The following SDK1 variants were observed in gnomAD, a reference collection of about 807,000 sequenced individuals.
SDK1 encodes protein sidekick-1.
SDK1 carries 157 observed loss-of-function variants against 245.5 expected under a neutral mutation model. That is an observed-to-expected ratio of 0.64 (90% CI 0.56 to 0.73). The LOEUF (loss-of-function observed/expected upper bound fraction) is 0.73. SDK1 is among the 30% of genes least tolerant of loss of function. The pLI, the probability that SDK1 is intolerant of heterozygous loss-of-function variation, is 0.00. For missense variants in SDK1, 3,583 were observed against 3,002.3 expected (o/e 1.19, Z -4.52); for synonymous variants, 1,647 against 1,278.5 (o/e 1.29, Z -6.15).
chr7:3,893,488 C>T (rs946858218), intron 5 of SDK1, among the ~76,000 whole-genome samples: 1 of 152,048 alleles, frequency 6.6e-6, no homozygotes, highest in Non-Finnish European at 1.5e-5. Flanking sequence ...TTGGCAGCTC[C>T]TCAGGTACCT....
At chr7:3,978,432 A>G (rs561783194) in intron 13 of SDK1, among the ~76,000 whole-genome samples, 1 of 152,284 alleles carries the variant, frequency 6.6e-6, no homozygotes, top group South Asian at 2.1e-4. Context: ...AAAACATCTC[A>G]TCTCTAAATA....
intron 1 of SDK1, among the ~76,000 whole-genome samples, chr7:3,435,718 C>A (rs981149739): frequency 6.6e-6 from 1 of 152,004 alleles, no homozygotes; most frequent in Admixed American, 6.6e-5. Context: ...ACTTTACATG[C>A]CCCACCTAAG....
chr7:3,567,894 C>G (rs1467058602), intron 1 of SDK1, among the ~76,000 whole-genome samples: 1 of 152,180 alleles, frequency 6.6e-6, no homozygotes, highest in Non-Finnish European at 1.5e-5. Flanking sequence ...TCATTGCAGC[C>G]TCGAACTCGT....
chr7:4,141,036 C>G lies in SDK1; in HGVS notation c.4229-4686C>G, dbSNP rs75159067. Among the ~76,000 whole-genome samples the G allele has an allele frequency of 4.3e-3, 660 of 152,312 alleles. 2 individuals carry two copies. The highest frequency in any genetic ancestry group is 0.016 in the African/African-American group (651 of 41,568). On this transcript the variant is annotated intron_variant, in intron 28 of 44. Transcript: ENST00000404826. Reference sequence around the variant, plus strand: ...GAGGGCTGGGTCAGGAGCCAGGTCTCCCGGCTCCCTGCTGTCTAGTCAGGA... The same window carrying G: ...GAGGGCTGGGTCAGGAGCCAGGTCTGCCGGCTCCCTGCTGTCTAGTCAGGA...
chr7:3,996,945 T>C (rs1439007068), intron 14 of SDK1, among the ~76,000 whole-genome samples: 1 of 152,234 alleles, frequency 6.6e-6, no homozygotes, highest in African/African-American at 2.4e-5. Flanking sequence ...TTGTTTTTTA[T>C]TGAGATATAA....
intron 40 of SDK1, among the ~76,000 whole-genome samples, chr7:4,232,407 C>T (rs796263241): frequency 0.018 from 1,308 of 72,130 alleles, no homozygotes; most frequent in African/African-American, 0.022. Context: ...CTTTTCTTTT[C>T]TTTCTTTTTT....
At chr7:3,776,241 C>G (rs561953538) in intron 4 of SDK1, among the ~76,000 whole-genome samples, 2 of 152,314 alleles carry the variant, frequency 1.3e-5, no homozygotes, top group South Asian at 4.1e-4. Flanking sequence ...TGTAAGCAGA[C>G]ATTGTCAATT....
At chr7:4,059,914 C>T (rs941357114) in intron 19 of SDK1, among the ~76,000 whole-genome samples, 7 of 146,224 alleles carry the variant, frequency 4.8e-5, no homozygotes, top group Non-Finnish European at 8.9e-5. Context: ...GAGTCTTGCT[C>T]TGTCGCCCAG....
chr7:3,822,151 A>G (rs1042849210), intron 5 of SDK1, among the ~76,000 whole-genome samples: 2 of 152,222 alleles, frequency 1.3e-5, no homozygotes, highest in African/African-American at 4.8e-5. Context: ...TTAGTTTTAC[A>G]TGTTTGGACT....
At chr7:4,129,121 G>A (rs1280585847) in intron 26 of SDK1, among the ~76,000 whole-genome samples, 1 of 140,362 alleles carries the variant, frequency 7.1e-6, no homozygotes, top group African/African-American at 2.7e-5. Context: ...AGCAGCTTGG[G>A]GTGGGGTCCC....
intron 1 of SDK1, among the ~76,000 whole-genome samples, chr7:3,466,955 C>T (rs1296759147): frequency 2.1e-5 from 3 of 141,162 alleles, no homozygotes; most frequent in Non-Finnish European, 3.1e-5. Context: ...CTAGTTACTT[C>T]GAAATCTCTC....
At chr7:3,806,957 A>G (rs772322634) in intron 4 of SDK1, among the ~76,000 whole-genome samples, 18 of 152,040 alleles carry the variant, frequency 1.2e-4, no homozygotes, top group East Asian at 3.9e-4. Context: ...AATGTTTTCA[A>G]TTTACTCAGA....
intron 17 of SDK1, among the ~76,000 whole-genome samples, chr7:4,021,966 T>G (rs1583853966): frequency 1.3e-5 from 2 of 152,180 alleles, no homozygotes; most frequent in East Asian, 3.9e-4. Flanking sequence ...TGAGGGCTCC[T>G]CAGCCTCAGG....
chr7:4,248,504 A>G (rs972849882), intron 44 of SDK1, among the ~76,000 whole-genome samples: 20 of 151,892 alleles, frequency 1.3e-4, no homozygotes, highest in African/African-American at 4.8e-4. Flanking sequence ...ATACACACCT[A>G]AATACACATA....
At chr7:3,662,960 T>G (rs1196628661) in intron 4 of SDK1, among the ~76,000 whole-genome samples, 2 of 152,208 alleles carry the variant, frequency 1.3e-5, no homozygotes, top group Non-Finnish European at 2.9e-5. Context: ...GGATAAGGTA[T>G]GCTCAACCTG....
chr7:3,680,284 G>C (rs1344244184), intron 4 of SDK1, among the ~76,000 whole-genome samples: 1 of 152,202 alleles, frequency 6.6e-6, no homozygotes, highest in Non-Finnish European at 1.5e-5. Context: ...GTCGCAGGGA[G>C]TTAGAGACGT....
At chr7:3,570,184 G>C (rs941091820) in intron 1 of SDK1, among the ~76,000 whole-genome samples, 1 of 152,128 alleles carries the variant, frequency 6.6e-6, no homozygotes, top group Non-Finnish European at 1.5e-5. Flanking sequence ...TTTGGCATCA[G>C]GACTGGTTTC....
At chr7:4,091,334 C>CTTTTCTTTTTTTTTTTT (rs1259034611) in intron 22 of SDK1, among the ~76,000 whole-genome samples, 2 of 108,216 alleles carry the variant, frequency 1.8e-5, no homozygotes, top group South Asian at 3.1e-4. Context: ...CTTTTCTTTT[C>CTTTTCTTTTTTTTTTTT]TTTTTTTTTT....
In SDK1 at chr7:4,219,796, C is replaced by T. The variant is rs866069426; in HGVS notation, c.5540-313C>T. On this transcript the variant is annotated intron_variant, in intron 38 of 44. Transcript: ENST00000404826. ...ACCTGGAGAATGGCAGGACCGCCCC[C>T]CTTCCCCCGCCCCCGCTCCTCCCTC... is the stretch of plus-strand genomic sequence containing the variant. Among the ~76,000 whole-genome samples, 134 of 150,028 alleles carry T rather than the reference C, an allele frequency of 8.9e-4. 1 individual carries two copies. Among genetic ancestry groups the T allele is most frequent in the African/African-American group, 3.1e-3 (124 of 40,484 alleles).
Sources: gnomAD v4.1 joint callset for allele counts (sites outside exome capture counted in the v4.1 genomes callset) on GRCh38, gnomAD v4.1.1 for gene constraint, MANE v1.5 for transcripts, NCBI Gene and HGNC (gene_info 2026-07-23, HGNC 2026-07-21) for gene names.